The following EIF2D variants were observed in gnomAD, a reference collection of about 807,000 sequenced individuals.
EIF2D encodes eukaryotic translation initiation factor 2D, also known as hepatocellular carcinoma-associated antigen 56.
Under a neutral mutation model 77.4 loss-of-function variants are expected in EIF2D, and 56 were observed. The observed-to-expected ratio is 0.72, with a 90% confidence interval of 0.58 to 0.90. The LOEUF (loss-of-function observed/expected upper bound fraction) is 0.90, where lower values mean the gene tolerates loss of function less well. EIF2D is among the 40% of genes least tolerant of loss of function. The pLI is 0.00. For synonymous variants in EIF2D, 230 were observed against 271.0 expected, an observed-to-expected ratio of 0.85 and a Z score of 1.49; for missense variants, 574 against 706.5, an observed-to-expected ratio of 0.81 and a Z score of 2.13.
intron 6 of EIF2D, 98 bp from the exon 7 acceptor site, chr1:206,602,551 G>T: frequency 9.4e-7 from 1 of 1,060,478 alleles, no homozygotes; most frequent in Non-Finnish European, 1.4e-6. Context: ...CACCCACTTG[G>T]CTCTGAAAGG....
At chr1:206,573,535 GTA>G (rs1445479177) in intron 4 of EIF2D, among the ~76,000 whole-genome samples, 2 of 152,220 alleles carry the variant, frequency 1.3e-5, no homozygotes, top group African/African-American at 4.8e-5. Flanking sequence ...CTACTGCACT[GTA>G]ATTCCTAGGA....
chr1:206,573,030 G>C (rs539950067), intron 4 of EIF2D, among the ~76,000 whole-genome samples: 32 of 152,334 alleles, frequency 2.1e-4, no homozygotes, highest in South Asian at 2.1e-4. Flanking sequence ...TGATCATGAT[G>C]ATGATGGTGA....
rs142664077 is a variant in EIF2D at position 206,597,157 on chromosome 1, A to G, written c.1331T>C (p.Leu444Ser). The G allele has an allele frequency of 1.1e-5, 18 of 1,613,938 alleles. No individual in the cohort carries two copies. The highest frequency in any genetic ancestry group is 2.5e-6 in the Non-Finnish European group (3 of 1,179,948). Reference protein sequence around the residue: ...RLDPILCDCILEKNEQHTVMK... With the variant: ...RLDPILCDCISEKNEQHTVMK... Reference sequence around the variant, plus strand: ...GACTGTATGCTGTTCATTTTTCTCTAAGATGCAGTCACATAGGATGGGATC... The same window carrying G: ...GACTGTATGCTGTTCATTTTTCTCTGAGATGCAGTCACATAGGATGGGATC... The change falls in exon 12 of 15, where the codon TTA (leucine) becomes TCA (serine). Residue 444 changes from leucine (L) to serine (S), a missense_variant. Leu to Ser is a moderately radical substitution (Grantham distance 145). Coordinates refer to ENST00000271764, the MANE Select transcript of EIF2D (RefSeq NM_006893.3).
intron 2 of EIF2D, among the ~76,000 whole-genome samples, chr1:206,610,587 G>A (rs868917227): frequency 4.6e-5 from 7 of 152,084 alleles, no homozygotes; most frequent in African/African-American, 1.2e-4. Flanking sequence ...TTGGGAGGCC[G>A]AGGCGGGCGG....
At position 206,591,841 on chromosome 1, in the gene EIF2D, C is replaced by T. The variant is rs111674209; in HGVS notation, c.1689G>A (p.Glu563=). The T allele has an allele frequency of 6.2e-7, 1 of 1,614,130 alleles. No homozygotes were observed. The highest frequency in any genetic ancestry group is 1.1e-5 in the South Asian group (1 of 91,082). The change falls in exon 15 of 15, where the codon GAG becomes GAA. Residue 563 remains glutamate, a synonymous_variant. Coordinates refer to ENST00000271764, the MANE Select transcript of EIF2D (RefSeq NM_006893.3). ...VHHLGWLLLE[E]YQLPRKHIQG... ...GGATGTGTTTTCGAGGGAGCTGATA[C>T]TCTTCTACAATCCAAAAAGCACACA...
At chr1:206,595,676 A>G (rs782719728) in intron 13 of EIF2D, 42 bp downstream of exon 13, 1 of 1,600,414 alleles carries the variant, frequency 6.2e-7, no homozygotes, top group Non-Finnish European at 8.5e-7. Flanking sequence ...TGGCAAGAAC[A>G]TTAAATCACT....
At chr1:206,605,980 A>G (rs1670185303) in intron 4 of EIF2D, among the ~76,000 whole-genome samples, 1 of 152,248 alleles carries the variant, frequency 6.6e-6, no homozygotes, top group African/African-American at 2.4e-5. Context: ...AGTGGGGCCA[A>G]CTAGAGAAGT....
In EIF2D at chr1:206,599,696, G is replaced by A. The variant is rs782266198; in HGVS notation, c.1052+37C>T. The stretch of plus-strand genomic sequence containing the variant: ...CAGTCCGTGGCCCAGGTGCCCTGGG[G>A]CCAGCTGGGCTACAGTGACAGGCCC... On this transcript the variant is annotated intron_variant, in intron 9 of 14. Coordinates refer to ENST00000271764, the MANE Select transcript of EIF2D (RefSeq NM_006893.3). This position sits in a 1 kb window ranked among gnomAD's most constrained non-coding sequence, Gnocchi z 4.1. 1.9e-6 allele frequency: 3 copies of A among 1,613,540 alleles called. No individual in the cohort carries two copies. The highest frequency in any genetic ancestry group is 2.5e-6 in the Non-Finnish European group (3 of 1,179,590).
chr1:206,584,696 A>G lies in EIF2D; in HGVS notation c.139-3534T>C, dbSNP rs1669035328. ...CAAGGACGGACAAGGTAGGAGAAAG[A>G]GTGAACCCAACCAGACCGTTCCCTT... On this transcript the variant is annotated intron_variant and NMD_transcript_variant, in intron 2 of 5. Transcript: ENST00000472709. This position sits in a 1 kb window ranked among gnomAD's most constrained non-coding sequence, Gnocchi z 4.9. The G allele has an allele frequency of 1.2e-6, 2 of 1,614,028 alleles. No homozygotes were observed. The highest frequency in any genetic ancestry group is 2.2e-5 in the South Asian group (2 of 91,090).
At chr1:206,578,324 T>C (rs1422095651) in intron 4 of EIF2D, among the ~76,000 whole-genome samples, 2 of 152,110 alleles carry the variant, frequency 1.3e-5, no homozygotes, top group Admixed American at 1.3e-4. Flanking sequence ...AGGTTAGCTT[T>C]AACCTTCCTG....
At chr1:206,571,180 T>TA (rs1553404145), downstream of EIF2D, 1 of 152,230 alleles carries the variant, frequency 6.6e-6, no homozygotes, top group African/African-American at 2.4e-5. Context: ...TGCATTGCCC[T>TA]AATGATTAGT....
chr1:206,609,169 C>T (rs982962989), intron 3 of EIF2D, among the ~76,000 whole-genome samples: 1 of 152,210 alleles, frequency 6.6e-6, no homozygotes, highest in Non-Finnish European at 1.5e-5. Flanking sequence ...AAAATACTTT[C>T]ACAACACTTA....
chr1:206,593,506 A>AGTGT (rs1286437460), intron 14 of EIF2D, 113 bp downstream of exon 14: 26 of 442,708 alleles, frequency 5.9e-5, no homozygotes, highest in African/African-American at 4.9e-4. Flanking sequence ...AGAGAGAGAG[A>AGTGT]GAGTGTGTGT....
At chr1:206,572,574 TG>T (rs1283799421) in intron 5 of EIF2D, 1 of 152,130 alleles carries the variant, frequency 6.6e-6, no homozygotes, top group Non-Finnish European at 1.5e-5. Flanking sequence ...CCCAGCACAC[TG>T]GGACAGTCAG....
chr1:206,591,821 TG>T lies in EIF2D; in HGVS notation c.1708del (p.His570ThrfsTer5). 1 of 1,614,202 alleles carries T rather than the reference TG, an allele frequency of 6.2e-7. No homozygotes were observed. The highest frequency in any genetic ancestry group is 1.3e-5 in the African/African-American group (1 of 75,058). Reference sequence around the variant, plus strand: ...GAGGGCCTTTTCTAGACCTTGGATGTGTTTTCGAGGGAGCTGATACTCTTCT... The same window carrying T: ...GAGGGCCTTTTCTAGACCTTGGATGTTTTTCGAGGGAGCTGATACTCTTCT... Reference protein sequence around the residue: ...LLEEYQLPRKHIQGLEKALKP... With the variant: ...LLEEYQLPRKXIQGLEKALKP... On this transcript the variant is annotated frameshift_variant, in exon 15 of 15. Transcript: ENST00000271764. LOFTEE classifies it high-confidence loss of function.
At position 206,611,287 on chromosome 1, in the gene EIF2D, G is replaced by A. The variant is rs1558543614; in HGVS notation, c.144C>T (p.Leu48=). The change falls in exon 2 of 15, where the codon CTC becomes CTT. Residue 48 remains leucine (L), a synonymous_variant. Transcript: ENST00000271764. ...VSELVPGKEE[L]NIVKLYAHKG... is the part of the protein sequence containing the mutation. The stretch of plus-strand genomic sequence containing the variant: ...TGTGAGCATACAACTTCACAATGTT[G>A]AGCTCCTCCTTTCCAGGTACTAACT... 1 of 1,614,136 alleles carries A rather than the reference G, an allele frequency of 6.2e-7. No individual in the cohort carries two copies. Among genetic ancestry groups the A allele is most frequent in the Admixed American group, 1.7e-5 (1 of 60,020 alleles).
intron 4 of EIF2D, among the ~76,000 whole-genome samples, chr1:206,577,285 C>T (rs1572359565): frequency 1.3e-5 from 2 of 152,166 alleles, no homozygotes; most frequent in South Asian, 4.1e-4. Context: ...AATTAACAAA[C>T]TCTATGGGCA....
intron 11 of EIF2D, among the ~76,000 whole-genome samples, chr1:206,597,573 T>G (rs1669710989): frequency 6.6e-6 from 1 of 152,166 alleles, no homozygotes. Flanking sequence ...TCCCAGCACT[T>G]TGGGAGGCTG....
In EIF2D at chr1:206,609,384, C is replaced by G; in HGVS notation, c.323G>C (p.Gly108Ala). The change falls in exon 3 of 15, where the codon GGG (glycine) becomes GCG (alanine). Residue 108 changes from glycine to alanine, a missense_variant. Transcript: ENST00000271764. The part of the protein sequence containing the change: ...TWPLVLEKLV[G>A]GADLMLPGLV... ...TAGGAGAATCCTCTTACCTGCTCCCCCTACCAGTTTCTCGAGCACCAGAGG... is the reference window on the plus strand; with the variant it reads ...TAGGAGAATCCTCTTACCTGCTCCCGCTACCAGTTTCTCGAGCACCAGAGG... 6.2e-7 allele frequency: 1 copy of G among 1,614,176 alleles called. No homozygotes were observed. The highest frequency in any genetic ancestry group is 8.5e-7 in the Non-Finnish European group (1 of 1,180,006).
Sources: allele counts gnomAD v4.1 joint callset (sites outside exome capture counted in the v4.1 genomes callset), GRCh38; gene constraint gnomAD v4.1.1; non-coding constraint Gnocchi (gnomAD v3.1); transcripts MANE v1.5; gene names NCBI Gene and HGNC (gene_info 2026-07-23, HGNC 2026-07-21).